Variants in COG6 observed in about 807,000 individuals in gnomAD.
The protein encoded by COG6 is conserved oligomeric Golgi complex subunit 6.
Under a neutral mutation model 88.8 loss-of-function variants are expected in COG6, and 74 were observed. That is an observed-to-expected ratio of 0.83 (90% CI 0.69 to 1.01). The LOEUF (loss-of-function observed/expected upper bound fraction) is 1.01, where lower values mean the gene tolerates loss of function less well. Among genes scored for constraint, COG6 ranks in the 50% least tolerant of loss-of-function variants. The pLI, the probability that COG6 is intolerant of heterozygous loss-of-function variation, is 0.00. For missense variants in COG6, 800 were observed against 797.9 expected (o/e 1.00, Z -0.03); for synonymous variants, 286 against 278.7 (o/e 1.03, Z -0.26).
chr13:39,727,350 A>C (rs1038275822), intron 17 of COG6, 119 bp from the exon 18 acceptor site: 3 of 764,722 alleles, frequency 3.9e-6, no homozygotes, highest in Non-Finnish European at 7.0e-6. Context: ...ACAACAATCT[A>C]GTTATTTAGA....
exon 19 of COG6, chr13:39,791,113 C>T (rs996654626): frequency 2.6e-5 from 4 of 152,030 alleles, no homozygotes; most frequent in Non-Finnish European, 4.4e-5. Flanking sequence ...ATGACAATCT[C>T]GCTAGCAAGA....
intron 4 of COG6, among the ~76,000 whole-genome samples, chr13:39,667,479 G>A (rs751524842): frequency 6.6e-6 from 1 of 152,098 alleles, no homozygotes; most frequent in Non-Finnish European, 1.5e-5. Context: ...TTATCTTGTT[G>A]ATATTGTCAT....
At chr13:39,727,870 G>A (rs1185271180) in intron 18 of COG6, among the ~76,000 whole-genome samples, 1 of 152,082 alleles carries the variant, frequency 6.6e-6, no homozygotes, top group African/African-American at 2.4e-5. Flanking sequence ...AATATGTTAT[G>A]GAAAATCAAT....
chr13:39,771,998 C>T (rs919103106), intron 18 of COG6, among the ~76,000 whole-genome samples: 1 of 152,306 alleles, frequency 6.6e-6, no homozygotes, highest in South Asian at 2.1e-4. Flanking sequence ...CAAAAACTTC[C>T]TCCCAAATTA....
chr13:39,760,637 T>C (rs1880981644), intron 18 of COG6, among the ~76,000 whole-genome samples: 1 of 152,144 alleles, frequency 6.6e-6, no homozygotes, highest in East Asian at 1.9e-4. Context: ...CCAAAAAATG[T>C]GCAAACACAC....
At chr13:39,686,458 C>CT (rs1253313491) in intron 8 of COG6, among the ~76,000 whole-genome samples, 2 of 152,154 alleles carry the variant, frequency 1.3e-5, no homozygotes, top group Non-Finnish European at 2.9e-5. Flanking sequence ...CTTTCCTTCC[C>CT]TACCAGTTCC....
intron 18 of COG6, among the ~76,000 whole-genome samples, chr13:39,775,844 A>T (rs1300947961): frequency 1.3e-5 from 2 of 150,346 alleles, no homozygotes; most frequent in Non-Finnish European, 2.9e-5. Flanking sequence ...ATCTCGGCTC[A>T]CTGCGACCTC....
chr13:39,714,611 GA>G (rs200122953), intron 13 of COG6, among the ~76,000 whole-genome samples: 20 of 146,316 alleles, frequency 1.4e-4, no homozygotes, highest in Admixed American at 1.0e-3. Flanking sequence ...ATTAAAAAGT[GA>G]AAAAAAAAAC....
At chr13:39,686,647 A>G (rs1018641596) in intron 8 of COG6, among the ~76,000 whole-genome samples, 3 of 152,188 alleles carry the variant, frequency 2.0e-5, no homozygotes, top group Non-Finnish European at 4.4e-5. Flanking sequence ...TTTTGGAGCA[A>G]ATTTTGGTGA....
chr13:39,751,736 A>T lies in COG6; in HGVS notation c.*643A>T. The T allele has an allele frequency of 7.8e-7, 1 of 1,287,022 alleles. No individual in the cohort carries two copies. The highest frequency in any genetic ancestry group is 1.0e-6 in the Non-Finnish European group (1 of 988,526). 79.7% of individuals were successfully genotyped at this position (1,287,022 alleles called of 1,614,324 possible). ...TGCAATTTTAAGTATACACTCAGCA[A>T]TAATTAGAAAAAAAGGAGAGAGAAA... is the stretch of plus-strand genomic sequence containing the variant. On this transcript the variant is annotated 3_prime_UTR_variant, in exon 19 of 19. Transcript: ENST00000455146.
chr13:39,780,628 A>T (rs1881600908), intron 18 of COG6, among the ~76,000 whole-genome samples: 1 of 152,164 alleles, frequency 6.6e-6, no homozygotes, highest in African/African-American at 2.4e-5. Flanking sequence ...TGTTTTATAA[A>T]CACTCCTATT....
chr13:39,787,544 G>A (rs531344872), intron 18 of COG6, among the ~76,000 whole-genome samples: 122 of 152,226 alleles, frequency 8.0e-4, no homozygotes, highest in African/African-American at 2.5e-3. Flanking sequence ...AACTGACTGA[G>A]TCCTATGTGT....
Position 39,719,806 on chromosome 13 carries a change from T to C in COG6, c.1563T>C (p.Arg521=), listed in dbSNP as rs1478953858. The change falls in exon 15 of 19, where the codon CGT becomes CGC. Residue 521 remains arginine, a synonymous_variant. Transcript: ENST00000455146. ...TLALFEFTDR[R]LEMLQFQIEA... is the part of the protein sequence containing the mutation. ...CTCTATTTGAATTCACTGACAGACG[T>C]CTGGAAATGCTACAGTTTCAGGTAA... 3 of 1,611,914 alleles carry C rather than the reference T, an allele frequency of 1.9e-6. No individual in the cohort carries two copies. In the African/African-American group the frequency reaches 4.0e-5, roughly 22 times the overall value.
At chr13:39,764,965 G>C (rs1384956024) in intron 18 of COG6, among the ~76,000 whole-genome samples, 1 of 152,052 alleles carries the variant, frequency 6.6e-6, no homozygotes, top group Non-Finnish European at 1.5e-5. Context: ...AAATAACTAT[G>C]ATTGTGGATT....
chr13:39,675,376 T>C (rs924045560), intron 4 of COG6, among the ~76,000 whole-genome samples: 15 of 152,164 alleles, frequency 9.9e-5, no homozygotes, highest in Non-Finnish European at 1.5e-4. Flanking sequence ...CATCTAACAA[T>C]AACTTCCTGT....
At chr13:39,731,625 A>G (rs923710795) in intron 18 of COG6, among the ~76,000 whole-genome samples, 2 of 152,260 alleles carry the variant, frequency 1.3e-5, no homozygotes, top group Non-Finnish European at 2.9e-5. Flanking sequence ...GCATATGGGA[A>G]AATGGGTAAG....
intron 12 of COG6, 71 bp downstream of exon 12, chr13:39,694,796 AT>A (rs1360890076): frequency 3.5e-4 from 277 of 796,254 alleles, no homozygotes; most frequent in Non-Finnish European, 4.4e-4. Flanking sequence ...ACAGTATAAG[AT>A]TTTTTTTTAT....
At position 39,719,682 on chromosome 13, in the gene COG6, C is replaced by T. The variant is rs749123032; in HGVS notation, c.1439C>T (p.Pro480Leu). 1 of 1,612,674 alleles carries T rather than the reference C, an allele frequency of 6.2e-7. No individual in the cohort carries two copies. Among genetic ancestry groups the T allele is most frequent in the East Asian group, 2.2e-5 (1 of 44,824 alleles). Residue 480 changes from proline to leucine, a missense_variant, in exon 15 of 19, where the codon CCT (proline) becomes CTT (leucine). By Grantham distance (98) the Pro-to-Leu change is moderately conservative. Transcript: ENST00000455146. ...FVQVLSCVLD[P>L]LLQMCTVSAS... ...TAGGTTTTATCATGTGTCTTGGATC[C>T]TCTCCTACAGATGTGTACTGTATCA...
At chr13:39,761,768 A>G (rs952139055) in intron 18 of COG6, among the ~76,000 whole-genome samples, 4 of 144,336 alleles carry the variant, frequency 2.8e-5, no homozygotes, top group African/African-American at 1.0e-4. Context: ...CAGGTATATG[A>G]AAAAAAAAAA....
Sources: allele counts gnomAD v4.1 joint callset (sites outside exome capture counted in the v4.1 genomes callset), GRCh38; gene constraint gnomAD v4.1.1; transcripts MANE v1.5; gene names NCBI Gene and HGNC (gene_info 2026-07-23, HGNC 2026-07-21).